The following UTRN variants were observed in gnomAD, a reference collection of about 807,000 sequenced individuals.
UTRN encodes utrophin, also known as dystrophin-related protein 1.
A neutral mutation model predicts 463.9 loss-of-function variants in UTRN; 283 were observed. The observed-to-expected ratio is 0.61, with a 90% CI of 0.55 to 0.67. The LOEUF is 0.67. Among genes scored for constraint, UTRN ranks in the 30% least tolerant of loss-of-function variants. The pLI, the probability that UTRN is intolerant of heterozygous loss-of-function variation, is 0.00. For synonymous variants in UTRN, 1,442 were observed against 1,431.5 expected (o/e 1.01, Z -0.17); for missense variants, 3,922 against 4,084.3 (o/e 0.96, Z 1.08).
At chr6:144,835,742 G>A (rs372972728) in intron 69 of UTRN, 38 bp from the exon 70 acceptor site, 294 of 1,611,752 alleles carry the variant, frequency 1.8e-4, no homozygotes, top group Non-Finnish European at 2.4e-4. Context: ...TCACCATCCA[G>A]ATGTGAGCCT....
rs1422734562 is a variant in UTRN, at chr6:144,772,030, T to G, written c.8557+62T>G. 2.0e-4 allele frequency: 205 copies of G among 1,035,308 alleles called. 2 individuals carry two copies. Among genetic ancestry groups the G allele is most frequent in the Middle Eastern group, 3.3e-4 (1 of 3,050 alleles). 64.1% of individuals were successfully genotyped at this position (1,035,308 alleles called of 1,614,324 possible). A position where few individuals can be genotyped will look rare whatever the true frequency, so the allele number is the denominator to read the frequency against. ...ACTGAGAACCGGTTTTTTTTTTTTT[T>G]TTTTTTTTTTTTTTTTTTTTTTTAA... On this transcript the variant is annotated intron_variant, in intron 59 of 74. Coordinates refer to ENST00000367545, the MANE Select transcript of UTRN (RefSeq NM_007124.3).
At chr6:144,374,262 A>G (rs980481823) in intron 2 of UTRN, among the ~76,000 whole-genome samples, 5 of 152,206 alleles carry the variant, frequency 3.3e-5, no homozygotes, top group Non-Finnish European at 7.3e-5. Context: ...ACTTTGTTCT[A>G]GGTTCAGTGG....
chr6:144,542,265 T>C (rs1022340668), intron 45 of UTRN, among the ~76,000 whole-genome samples: 5 of 152,156 alleles, frequency 3.3e-5, no homozygotes, highest in Admixed American at 2.0e-4. Context: ...TGTGGACATA[T>C]CTGAATATCT....
rs370888528 is a variant in UTRN, at chr6:144,577,045, G to A, written c.7290-54G>A. On this transcript the variant is annotated intron_variant, in intron 50 of 74. Coordinates refer to ENST00000367545, the MANE Select transcript of UTRN (RefSeq NM_007124.3). ...TTTTATTTAGGGGATGCGTGATGTG[G>A]AATGTCACAACACTGTAAGTAATGG... 1.0e-4 allele frequency: 160 copies of A among 1,546,462 alleles called. 2 individuals carry two copies. In the East Asian group the frequency reaches 2.2e-3, roughly 21 times the overall value.
intron 49 of UTRN, among the ~76,000 whole-genome samples, chr6:144,556,836 C>T (rs1332895685): frequency 2.0e-5 from 3 of 152,168 alleles, no homozygotes; most frequent in Admixed American, 6.5e-5. Flanking sequence ...GACGCATGTC[C>T]GTGTAAGGAT....
intron 2 of UTRN, among the ~76,000 whole-genome samples, chr6:144,355,827 T>G (rs1778502360): frequency 6.6e-6 from 1 of 152,306 alleles, no homozygotes; most frequent in African/African-American, 2.4e-5. Flanking sequence ...TGAACTGATA[T>G]CAGGATTGTT....
At chr6:144,639,423 C>T (rs1292446251) in intron 51 of UTRN, among the ~76,000 whole-genome samples, 1 of 152,168 alleles carries the variant, frequency 6.6e-6, no homozygotes, top group Admixed American at 6.5e-5. Context: ...TCCCAGGCTT[C>T]TGTAACAATC....
At chr6:144,449,771 A>G (rs1468473803) in intron 17 of UTRN, among the ~76,000 whole-genome samples, 2 of 152,194 alleles carry the variant, frequency 1.3e-5, no homozygotes, top group Non-Finnish European at 2.9e-5. Context: ...CCACTGCTTA[A>G]TGTATCGAGA....
chr6:144,337,194 C>CACCA (rs1309149044), intron 2 of UTRN, among the ~76,000 whole-genome samples: 2 of 126,704 alleles, frequency 1.6e-5, no homozygotes, highest in African/African-American at 3.3e-5. Flanking sequence ...CACACACACA[C>CACCA]CACACACACA....
At chr6:144,383,184 A>G (rs6570623) in intron 2 of UTRN, among the ~76,000 whole-genome samples, 9,603 of 152,216 alleles carry the variant, frequency 0.063, 364 homozygotes, top group African/African-American at 0.11. Context: ...CACTCGCCTT[A>G]GCCTCCCAAA....
chr6:144,762,562 G>GA (rs1426186236), intron 58 of UTRN, among the ~76,000 whole-genome samples: 15 of 152,180 alleles, frequency 9.9e-5, no homozygotes, highest in Non-Finnish European at 2.9e-5. Flanking sequence ...CTATTTTCTA[G>GA]ATGTTTAAAG....
At chr6:144,606,540 T>C (rs1804867405) in intron 51 of UTRN, among the ~76,000 whole-genome samples, 1 of 152,210 alleles carries the variant, frequency 6.6e-6, no homozygotes, top group African/African-American at 2.4e-5. Context: ...ATGAATGCCT[T>C]GTATTATATT....
intron 2 of UTRN, among the ~76,000 whole-genome samples, chr6:144,372,566 C>A (rs1780094019): frequency 6.7e-6 from 1 of 149,724 alleles, no homozygotes; most frequent in African/African-American, 2.5e-5. Flanking sequence ...GTGATCTCGG[C>A]TCACTGCAAC....
rs1326416236 is a variant in UTRN at position 144,389,710 on chromosome 6, C to T, written c.80-13413C>T. ...GTCTCCCAGGTTCAAGCGATTCTCC[C>T]GCCTCAGCCTCCTGAGTAGCTGGGA... On this transcript the variant is annotated intron_variant, in intron 2 of 74. Coordinates refer to ENST00000367545, the MANE Select transcript of UTRN (RefSeq NM_007124.3). 7.2e-5 allele frequency among the ~76,000 whole-genome samples: 11 copies of T among 152,070 alleles called. No homozygotes were observed. The East Asian group carries it at 1.9e-3, about 27-fold the overall frequency.
intron 2 of UTRN, among the ~76,000 whole-genome samples, chr6:144,330,407 T>C (rs1776253654): frequency 6.6e-6 from 1 of 152,180 alleles, no homozygotes; most frequent in Non-Finnish European, 1.5e-5. Context: ...CCTAAAAGCA[T>C]TAGGAATTAG....
chr6:144,835,062 G>A (rs1780990730), intron 69 of UTRN, among the ~76,000 whole-genome samples: 1 of 152,182 alleles, frequency 6.6e-6, no homozygotes, highest in Admixed American at 6.5e-5. Context: ...CTGCTAGAAA[G>A]CATTTTCTTG....
In UTRN at chr6:144,824,599, TATATATATA is replaced by T. The variant is rs1562954935; in HGVS notation, c.9495-2748_9495-2740del. Among the ~76,000 whole-genome samples, 3 of 58,848 alleles carry T rather than the reference TATATATATA, an allele frequency of 5.1e-5. 1 individual carries two copies. The highest frequency in any genetic ancestry group is 2.1e-4 in the African/African-American group (2 of 9,516). 38.6% of individuals were successfully genotyped at this position (58,848 alleles called of 152,430 possible). On this transcript the variant is annotated intron_variant, in intron 66 of 74. Transcript: ENST00000367545. ...ATATATATATATATATATATATATATATATATATATATATCTTTTTTTTTTTTTTTTTTT... is the reference window on the plus strand; with the variant it reads ...ATATATATATATATATATATATATATTATATCTTTTTTTTTTTTTTTTTTT...
intron 52 of UTRN, among the ~76,000 whole-genome samples, chr6:144,698,507 C>T (rs1784241930): frequency 6.6e-6 from 1 of 152,180 alleles, no homozygotes; most frequent in South Asian, 2.1e-4. Flanking sequence ...ACCTCTAAAC[C>T]TCAAAGATCA....
intron 33 of UTRN, among the ~76,000 whole-genome samples, chr6:144,498,716 A>T (rs1793895425): frequency 6.6e-6 from 1 of 151,728 alleles, no homozygotes; most frequent in African/African-American, 2.4e-5. Context: ...GTGCAGTGGC[A>T]GGATCACGGC....
Sources: gnomAD v4.1 joint callset for allele counts (sites outside exome capture counted in the v4.1 genomes callset) on GRCh38, gnomAD v4.1.1 for gene constraint, MANE v1.5 for transcripts, NCBI Gene and HGNC (gene_info 2026-07-23, HGNC 2026-07-21) for gene names.